WNT8B: variants seen among roughly 807,000 people sequenced by gnomAD.
The protein encoded by WNT8B is protein Wnt-8b.
A neutral mutation model predicts 36.6 loss-of-function variants in WNT8B; 24 were observed. The ratio of observed to expected loss-of-function variants is 0.66; its 90% CI spans 0.48 to 0.92. The LOEUF (loss-of-function observed/expected upper bound fraction) is 0.92, where lower values mean the gene tolerates loss of function less well. Ranked by LOEUF, WNT8B falls within the 40% of genes least tolerant of loss-of-function variation. The probability of loss-of-function intolerance (pLI) is 0.00; values close to 1 mark genes in which losing one functional copy is unlikely to be tolerated. For missense variants in WNT8B, 402 were observed against 470.8 expected (o/e 0.85, Z 1.35); for synonymous variants, 199 against 189.8 (o/e 1.05, Z -0.40).
intron 4 of WNT8B, among the ~76,000 whole-genome samples, chr10:100,481,522 CCT>C (rs1351168698): frequency 1.3e-5 from 2 of 152,122 alleles, no homozygotes; most frequent in African/African-American, 2.4e-5. Flanking sequence ...CAATTGTACC[CCT>C]CTTTCCCCCT....
Position 100,482,666 on chromosome 10 carries a change from G to A in WNT8B, c.906G>A (p.Arg302=). The A allele has an allele frequency of 1.9e-6, 3 of 1,608,408 alleles. No individual in the cohort carries two copies. The highest frequency in any genetic ancestry group is 2.5e-6 in the Non-Finnish European group (3 of 1,179,024). ...GCGGGCTGGCGGTGGAGGAGCGCCGGGCCGAGACCGTGTCCAGCTGCAACT... is the reference window on the plus strand; with the variant it reads ...GCGGGCTGGCGGTGGAGGAGCGCCGAGCCGAGACCGTGTCCAGCTGCAACT... ...GDCGLAVEER[R]AETVSSCNCK... The change falls in exon 6 of 6, where the codon CGG becomes CGA. Residue 302 remains arginine, a synonymous_variant. Transcript: ENST00000343737. This position sits in a 1 kb window ranked among gnomAD's most constrained non-coding sequence, Gnocchi z 6.6.
Position 100,482,731 on chromosome 10 carries a change from G to A in WNT8B, c.971G>A (p.Cys324Tyr). Residue 324 changes from cysteine to tyrosine, a missense_variant, in exon 6 of 6, where the codon TGC becomes TAC. Physicochemically the swap from Cys to Tyr is radical, Grantham distance 194 (BLOSUM62 -2). This residue lies in a region of WNT8B where 256 missense variants were observed against 278.6 expected (regional missense o/e 0.92). Coordinates refer to ENST00000343737, the MANE Select transcript of WNT8B (RefSeq NM_003393.4). The surrounding 1 kb of genome is among the most constrained non-coding windows in gnomAD (Gnocchi z 6.6). ...TGCTGCGCAGTCCGCTGCGAGCAGT[G>A]CCGCCGGAGGGTCACCAAGTACTTC... Reference protein sequence around the residue: ...HWCCAVRCEQCRRRVTKYFCS... With the variant: ...HWCCAVRCEQYRRRVTKYFCS... 1 of 1,606,670 alleles carries A rather than the reference G, an allele frequency of 6.2e-7. No individual in the cohort carries two copies. Among genetic ancestry groups the A allele is most frequent in the Non-Finnish European group, 8.5e-7 (1 of 1,176,994 alleles).
At chr10:100,466,211 C>A (rs189148219) in intron 1 of WNT8B, among the ~76,000 whole-genome samples, 71 of 151,702 alleles carry the variant, frequency 4.7e-4, no homozygotes, top group African/African-American at 1.7e-3. Context: ...GCTTTGGAAT[C>A]TGGAAAAAAA....
At chr10:100,471,353 C>T (rs1156682876) in intron 1 of WNT8B, among the ~76,000 whole-genome samples, 1 of 152,184 alleles carries the variant, frequency 6.6e-6, no homozygotes, top group Non-Finnish European at 1.5e-5. Flanking sequence ...TACATAGAAC[C>T]CAGTGTGAGC....
Position 100,481,038 on chromosome 10 carries a change from T to C in WNT8B, c.282T>C (p.Ala94=). 1.9e-6 allele frequency: 3 copies of C among 1,614,124 alleles called. No individual in the cohort carries two copies. Among genetic ancestry groups the C allele is most frequent in the Non-Finnish European group, 2.5e-6 (3 of 1,180,020 alleles). ...ETAFVHAISS[A]GVMYTLTRNC... ...CATTTGTGCATGCCATCAGTTCTGC[T>C]GGAGTCATGTACACCCTGACTAGAA... Residue 94 remains alanine, a synonymous_variant, in exon 4 of 6, where the codon GCT becomes GCC. Transcript: ENST00000343737.
At chr10:100,475,633 T>A (rs1851029666) in intron 1 of WNT8B, among the ~76,000 whole-genome samples, 1 of 152,218 alleles carries the variant, frequency 6.6e-6, no homozygotes, top group Admixed American at 6.5e-5. Flanking sequence ...GCATTTTCTT[T>A]GTCACTCAAT....
intron 3 of WNT8B, among the ~76,000 whole-genome samples, chr10:100,480,545 T>A (rs1312426363): frequency 6.6e-6 from 1 of 152,168 alleles, no homozygotes; most frequent in African/African-American, 2.4e-5. Flanking sequence ...AACCTAGCCT[T>A]CAGATTCATC....
At chr10:100,479,127 T>G in intron 2 of WNT8B, 42 bp downstream of exon 2, 1 of 1,553,644 alleles carries the variant, frequency 6.4e-7, no homozygotes, top group Non-Finnish European at 8.7e-7. Flanking sequence ...TTCACTAATC[T>G]TAGCCTGTTG....
At chr10:100,463,362 T>C (rs1158795493) in intron 1 of WNT8B, 126 bp downstream of exon 1, 1 of 869,216 alleles carries the variant, frequency 1.2e-6, no homozygotes, top group Non-Finnish European at 1.8e-6. Context: ...AACTGTTCTA[T>C]GGGGTAGGGC....
intron 1 of WNT8B, among the ~76,000 whole-genome samples, chr10:100,471,876 G>A (rs188076816): frequency 2.0e-5 from 3 of 152,176 alleles, no homozygotes; most frequent in Non-Finnish European, 4.4e-5. Context: ...GCAACACAAC[G>A]AGACCCTGTC....
chr10:100,463,691 G>T (rs918224006), intron 1 of WNT8B, among the ~76,000 whole-genome samples: 61 of 151,710 alleles, frequency 4.0e-4, no homozygotes, highest in African/African-American at 1.4e-3. Context: ...CTAAGTAATT[G>T]CTCAAATTAT....
chr10:100,477,503 G>C (rs1169820850), intron 1 of WNT8B, among the ~76,000 whole-genome samples: 1 of 152,002 alleles, frequency 6.6e-6, no homozygotes, highest in Non-Finnish European at 1.5e-5. Context: ...GTTTCACCAT[G>C]TTAGCCAGGA....
intron 1 of WNT8B, among the ~76,000 whole-genome samples, chr10:100,469,860 TC>T (rs1850954360): frequency 6.6e-6 from 1 of 152,186 alleles, no homozygotes; most frequent in East Asian, 1.9e-4. Flanking sequence ...TCTTGGGAGT[TC>T]TATGGACTGA....
chr10:100,473,699 G>A (rs1234593399), intron 1 of WNT8B, among the ~76,000 whole-genome samples: 3 of 152,094 alleles, frequency 2.0e-5, no homozygotes, highest in Non-Finnish European at 4.4e-5. Context: ...GCTGAGGCAG[G>A]CGGATTGCTT....
At chr10:100,466,151 C>T (rs540740636) in intron 1 of WNT8B, among the ~76,000 whole-genome samples, 41 of 151,764 alleles carry the variant, frequency 2.7e-4, no homozygotes, top group Non-Finnish European at 4.4e-4. Context: ...TCCTCAAAGA[C>T]GCTGGGAATC....
intron 1 of WNT8B, among the ~76,000 whole-genome samples, chr10:100,465,224 A>T (rs1172462972): frequency 6.6e-6 from 1 of 152,168 alleles, no homozygotes; most frequent in African/African-American, 2.4e-5. Context: ...GTACAAGATG[A>T]TTTCTTTGAA....
Position 100,479,076 on chromosome 10 carries a change from T to C in WNT8B, c.93T>C (p.Thr31=). 6.2e-7 allele frequency: 1 copy of C among 1,603,020 alleles called. No individual in the cohort carries two copies. Among genetic ancestry groups the C allele is most frequent in the Non-Finnish European group, 8.5e-7 (1 of 1,177,268 alleles). Reference sequence around the variant, plus strand: ...GGTCGGTGAACAATTTCCTGATGACTGGTCCAAAGGTAAGAACAAATTCCA... The same window carrying C: ...GGTCGGTGAACAATTTCCTGATGACCGGTCCAAAGGTAAGAACAAATTCCA... ...HSWSVNNFLM[T]GPKAYLIYSS... is the part of the protein sequence containing the mutation. The change falls in exon 2 of 6, where the codon ACT becomes ACC. Residue 31 remains threonine, a synonymous_variant. Transcript: ENST00000343737.
intron 1 of WNT8B, among the ~76,000 whole-genome samples, chr10:100,475,490 T>C (rs778720423): frequency 6.6e-6 from 1 of 152,254 alleles, no homozygotes; most frequent in Non-Finnish European, 1.5e-5. Flanking sequence ...GGGCTTGACC[T>C]GGATATCATA....
At chr10:100,481,524 T>C (rs1391898758) in intron 4 of WNT8B, among the ~76,000 whole-genome samples, 1 of 152,122 alleles carries the variant, frequency 6.6e-6, no homozygotes, top group Non-Finnish European at 1.5e-5. Context: ...ATTGTACCCC[T>C]CTTTCCCCCT....
Sources: gnomAD v4.1 joint callset for allele counts (sites outside exome capture counted in the v4.1 genomes callset) on GRCh38, gnomAD v4.1.1 for gene constraint, gnomAD v4.1.1 regional missense constraint, Gnocchi (gnomAD v3.1) non-coding constraint, MANE v1.5 for transcripts, NCBI Gene and HGNC (gene_info 2026-07-23, HGNC 2026-07-21) for gene names.